Variants in PABPC4L observed in about 807,000 individuals in gnomAD.
The protein encoded by PABPC4L is poly(A) binding protein cytoplasmic 4 like.
For synonymous variants in PABPC4L, 169 were observed against 164.1 expected, an observed-to-expected ratio of 1.03 and a Z score of -0.23; for missense variants, 452 against 451.4, an observed-to-expected ratio of 1.00 and a Z score of -0.01.
chr4:134,149,248 A>C, the PABPC4L span, among the ~76,000 whole-genome samples: 1 of 152,306 alleles, frequency 6.6e-6, no homozygotes, highest in Non-Finnish European at 1.5e-5. Context: ...AGCCAGATAA[A>C]GTTAAACAGG....
At chr4:134,168,382 C>T in the PABPC4L span, among the ~76,000 whole-genome samples, 1 of 151,202 alleles carries the variant, frequency 6.6e-6, no homozygotes, top group Non-Finnish European at 1.5e-5. Context: ...AAGAGCAAAC[C>T]AAACCTCAAA....
At chr4:134,047,017 T>C in the PABPC4L span, among the ~76,000 whole-genome samples, 1 of 152,300 alleles carries the variant, frequency 6.6e-6, no homozygotes, top group East Asian at 1.9e-4. Flanking sequence ...TATAATTACA[T>C]GACAATCTGT....
chr4:134,027,557 T>C, the PABPC4L span, among the ~76,000 whole-genome samples: 1,031 of 152,288 alleles, frequency 6.8e-3, 8 homozygotes, highest in Non-Finnish European at 0.011. Flanking sequence ...CAGAAATCTC[T>C]TCGACAAACT....
Position 134,200,597 on chromosome 4 carries a change from A to C in PABPC4L, c.423T>G (p.Phe141Leu). 1.9e-6 allele frequency: 3 copies of C among 1,551,652 alleles called. No homozygotes were observed. Among genetic ancestry groups the C allele is most frequent in the Non-Finnish European group, 2.6e-6 (3 of 1,146,960 alleles). The change falls in exon 2 of 2, where the codon TTT becomes TTG. Residue 141 changes from phenylalanine (F) to leucine (L), a missense_variant. Physicochemically the swap from Phe to Leu is conservative, Grantham distance 22. Transcript: ENST00000421491. ...CAGCACTCTGGTTCTGAAAGTGCAC[A>C]AATGCATAGCCCTTGGAGCCTTGAT... ...SDDQGSKGYA[F>L]VHFQNQSAAD... is the part of the protein sequence containing the mutation.
Position 134,200,874 on chromosome 4 carries a change from C to A in PABPC4L, c.146G>T (p.Arg49Leu), listed in dbSNP as rs761793554. ...GTTCACGTAGGCATAGCCCAGAGAG[C>A]GGCGGGTGACCTGGTCCCTGCAAAT... ...IRICRDQVTR[R>L]SLGYAYVNFL... is the part of the protein sequence containing the mutation. Residue 49 changes from arginine (R) to leucine (L), a missense_variant, in exon 2 of 2, where the codon CGC (arginine) becomes CTC (leucine). Physicochemically the swap from Arg to Leu is moderately radical, Grantham distance 102. Coordinates refer to ENST00000421491, the MANE Select transcript of PABPC4L (RefSeq NM_001114734.2). The A allele has an allele frequency of 1.3e-6, 2 of 1,560,280 alleles. No individual in the cohort carries two copies. The highest frequency in any genetic ancestry group is 1.2e-5 in the South Asian group (1 of 84,802).
chr4:134,158,334 T>C, the PABPC4L span, among the ~76,000 whole-genome samples: 1 of 152,152 alleles, frequency 6.6e-6, no homozygotes, highest in African/African-American at 2.4e-5. Flanking sequence ...CATTTCTCTA[T>C]AGATAAACAT....
At chr4:134,193,625 A>G (rs1729574622), downstream of PABPC4L, among the ~76,000 whole-genome samples, 1 of 151,952 alleles carries the variant, frequency 6.6e-6, no homozygotes, top group Admixed American at 6.6e-5. Context: ...TATACTGTGT[A>G]TATGAGCCCA....
chr4:134,065,154 C>T, the PABPC4L span, among the ~76,000 whole-genome samples: 1 of 152,004 alleles, frequency 6.6e-6, no homozygotes, highest in Non-Finnish European at 1.5e-5. Flanking sequence ...GTTTTAAGTT[C>T]TTCGAGAAAT....
At chr4:134,149,774 A>C in the PABPC4L span, among the ~76,000 whole-genome samples, 1 of 152,200 alleles carries the variant, frequency 6.6e-6, no homozygotes, top group African/African-American at 2.4e-5. Flanking sequence ...GAGTATGTGA[A>C]TATATGAATC....
the PABPC4L span, among the ~76,000 whole-genome samples, chr4:134,046,209 G>A: frequency 6.6e-6 from 1 of 152,070 alleles, no homozygotes; most frequent in Non-Finnish European, 1.5e-5. Context: ...TGGGGCAGGA[G>A]GACAGGGTGA....
the PABPC4L span, among the ~76,000 whole-genome samples, chr4:134,075,676 A>T: frequency 5.3e-5 from 8 of 152,168 alleles, no homozygotes; most frequent in Non-Finnish European, 8.8e-5. Context: ...ATCTGTAGTC[A>T]GATTCCAGTT....
the PABPC4L span, among the ~76,000 whole-genome samples, chr4:134,109,363 G>T: frequency 3.3e-5 from 5 of 151,526 alleles, no homozygotes; most frequent in African/African-American, 1.2e-4. Flanking sequence ...TCAAGTAAAA[G>T]CAATATTTAG....
the PABPC4L span, among the ~76,000 whole-genome samples, chr4:134,066,679 T>C: frequency 6.6e-6 from 1 of 152,150 alleles, no homozygotes; most frequent in African/African-American, 2.4e-5. Flanking sequence ...TGTTGATTTG[T>C]CATAGATGGC....
chr4:134,146,232 T>C, the PABPC4L span, among the ~76,000 whole-genome samples: 5 of 152,034 alleles, frequency 3.3e-5, no homozygotes, highest in Non-Finnish European at 7.4e-5. Context: ...AGAATATCTA[T>C]ATTTCAAGTT....
At chr4:134,115,384 G>A in the PABPC4L span, among the ~76,000 whole-genome samples, 1 of 151,620 alleles carries the variant, frequency 6.6e-6, no homozygotes, top group African/African-American at 2.4e-5. Flanking sequence ...TAGAGAGAGG[G>A]GGAGAATGAG....
chr4:133,988,110 C>T, the PABPC4L span, among the ~76,000 whole-genome samples: 1 of 152,160 alleles, frequency 6.6e-6, no homozygotes, highest in South Asian at 2.1e-4. Context: ...ATGTCCCTCC[C>T]ATGACATGTT....
the PABPC4L span, among the ~76,000 whole-genome samples, chr4:134,118,828 T>C: frequency 6.6e-6 from 1 of 151,850 alleles, no homozygotes; most frequent in East Asian, 1.9e-4. Flanking sequence ...TAAAGAAATG[T>C]AGCTGTCTCT....
At chr4:134,153,999 T>C in the PABPC4L span, among the ~76,000 whole-genome samples, 2 of 151,692 alleles carry the variant, frequency 1.3e-5, no homozygotes, top group African/African-American at 4.8e-5. Context: ...AGGTGGTGAA[T>C]CCTGTCTTGT....
At chr4:134,094,119 G>A in the PABPC4L span, among the ~76,000 whole-genome samples, 3 of 151,792 alleles carry the variant, frequency 2.0e-5, no homozygotes, top group Admixed American at 2.0e-4. Context: ...GATTTTACTG[G>A]TAATTATTTT....
Sources: gnomAD v4.1 joint callset for allele counts (sites outside exome capture counted in the v4.1 genomes callset) on GRCh38, gnomAD v4.1.1 for gene constraint, MANE v1.5 for transcripts, NCBI Gene and HGNC (gene_info 2026-07-23, HGNC 2026-07-21) for gene names.